The following HLTF variants were observed in gnomAD, a reference collection of about 807,000 sequenced individuals.
HLTF encodes the protein helicase like transcription factor, also known as DNA-dependent ATPase/E3 ubiquitin-protein ligase HLTF.
In HLTF, 127 loss-of-function variants were observed where a neutral mutation model predicts 129.4. That is an observed-to-expected ratio of 0.98 (90% confidence interval 0.85 to 1.14). The LOEUF (loss-of-function observed/expected upper bound fraction) is 1.14, where lower values mean the gene tolerates loss of function less well. HLTF is among the 50% of genes most tolerant of loss of function. The probability of loss-of-function intolerance (pLI) is 0.00; values close to 1 mark genes in which losing one functional copy is unlikely to be tolerated. For synonymous variants in HLTF, 332 were observed against 388.8 expected (o/e 0.85, Z 1.72); for missense variants, 1,139 against 1,187.1 (o/e 0.96, Z 0.60).
chr3:149,078,856 CA>C (rs35279410), intron 2 of HLTF, among the ~76,000 whole-genome samples: 50,449 of 129,766 alleles, frequency 0.39, 8,664 homozygotes, highest in African/African-American at 0.49. Flanking sequence ...GACTCCGTCT[CA>C]AAAAAAAAAA....
At chr3:149,069,815 G>A (rs1263191687) in intron 7 of HLTF, among the ~76,000 whole-genome samples, 4 of 152,206 alleles carry the variant, frequency 2.6e-5, no homozygotes, top group African/African-American at 9.7e-5. Flanking sequence ...ATGATAAAAT[G>A]TGAGTTTTCA....
At chr3:149,033,756 A>G (rs1489157823) in intron 24 of HLTF, among the ~76,000 whole-genome samples, 1 of 152,126 alleles carries the variant, frequency 6.6e-6, no homozygotes, top group African/African-American at 2.4e-5. Flanking sequence ...AACAAAAAAT[A>G]AAATCTTCCA....
Position 149,039,052 on chromosome 3 carries a change from A to G in HLTF, c.2793T>C (p.Asp931=). 1.9e-6 allele frequency: 3 copies of G among 1,540,618 alleles called. No individual in the cohort carries two copies. Among genetic ancestry groups the G allele is most frequent in the Non-Finnish European group, 2.6e-6 (3 of 1,146,306 alleles). ...LSAASRVFLM[D]PAWNPAAEDQ... ...AAAAATTTACAGAACTACTTACTGG[A>G]TCCATTAAAAACACTCGAGAAGCTG... Residue 931 remains aspartate, a synonymous_variant, in exon 23 of 25, where the codon GAT becomes GAC. Transcript: ENST00000310053.
At chr3:149,057,762 A>G (rs1717599749) in intron 13 of HLTF, among the ~76,000 whole-genome samples, 1 of 152,228 alleles carries the variant, frequency 6.6e-6, no homozygotes, top group Non-Finnish European at 1.5e-5. Context: ...TTGTAGCTCT[A>G]GTGTATTCAT....
chr3:149,076,782 T>C (rs1008446295), intron 2 of HLTF, among the ~76,000 whole-genome samples: 6 of 152,094 alleles, frequency 3.9e-5, no homozygotes, highest in Non-Finnish European at 7.4e-5. Context: ...TTTCAAAAAT[T>C]CCTCAATAAA....
chr3:149,056,344 T>C (rs184488394), intron 13 of HLTF, among the ~76,000 whole-genome samples: 325 of 152,338 alleles, frequency 2.1e-3, no homozygotes, highest in Non-Finnish European at 3.8e-3. Context: ...TAATAAAGTG[T>C]TTTTACAAAT....
intron 1 of HLTF, 59 bp from the exon 2 acceptor site, chr3:149,084,948 T>C: frequency 3.3e-6 from 4 of 1,216,962 alleles, no homozygotes; most frequent in African/African-American, 1.5e-5. Context: ...CCAAAGACCA[T>C]ATGAGTAGTT....
intron 5 of HLTF, among the ~76,000 whole-genome samples, chr3:149,072,270 G>C (rs113483340): frequency 6.6e-6 from 1 of 152,236 alleles, no homozygotes; most frequent in Non-Finnish European, 1.5e-5. Flanking sequence ...GTTTCAGCAA[G>C]ACTTGACCTT....
At chr3:149,081,062 T>C (rs1719817693) in intron 2 of HLTF, among the ~76,000 whole-genome samples, 1 of 152,146 alleles carries the variant, frequency 6.6e-6, no homozygotes, top group African/African-American at 2.4e-5. Flanking sequence ...TGTGTTACAA[T>C]TGCCCACAGT....
intron 8 of HLTF, among the ~76,000 whole-genome samples, chr3:149,067,747 G>T (rs896073469): frequency 1.3e-5 from 2 of 151,974 alleles, no homozygotes; most frequent in Admixed American, 6.6e-5. Flanking sequence ...TGAATTTCTG[G>T]TAACTCCTTT....
At chr3:149,064,536 T>G (rs1447519052) in intron 9 of HLTF, among the ~76,000 whole-genome samples, 2 of 152,146 alleles carry the variant, frequency 1.3e-5, no homozygotes, top group African/African-American at 4.8e-5. Context: ...CATGAGATTT[T>G]TTTTCACAAC....
At chr3:149,061,385 C>T (rs1324751298) in intron 10 of HLTF, among the ~76,000 whole-genome samples, 13 of 150,646 alleles carry the variant, frequency 8.6e-5, no homozygotes, top group South Asian at 2.1e-4. Context: ...CACACCAGCC[C>T]GCCTGACAGA....
At chr3:149,049,195 G>A (rs927981622) in intron 15 of HLTF, among the ~76,000 whole-genome samples, 194 bp from the exon 16 acceptor site, 1 of 152,090 alleles carries the variant, frequency 6.6e-6, no homozygotes, top group Non-Finnish European at 1.5e-5. Flanking sequence ...TAATTTTACA[G>A]ATAAGAAAAC....
chr3:149,076,190 T>G (rs1719341292), intron 2 of HLTF, 143 bp from the exon 3 acceptor site: 2 of 399,240 alleles, frequency 5.0e-6, no homozygotes, highest in South Asian at 1.9e-4. Context: ...AGACACAAAC[T>G]ACAGAAATAT....
intron 9 of HLTF, 82 bp from the exon 10 acceptor site, chr3:149,063,606 T>C: frequency 1.3e-6 from 1 of 752,438 alleles, no homozygotes; most frequent in Non-Finnish European, 2.3e-6. Context: ...ACCTTGGTTT[T>C]CTAATTACTG....
At chr3:149,045,003 C>G (rs974704808) in intron 18 of HLTF, among the ~76,000 whole-genome samples, 2 of 152,124 alleles carry the variant, frequency 1.3e-5, no homozygotes, top group African/African-American at 4.8e-5. Context: ...AATCAGATTA[C>G]GTCCCTCTCC....
At chr3:149,064,770 C>T (rs765264559) in intron 9 of HLTF, 21 bp downstream of exon 9, 6 of 1,400,322 alleles carry the variant, frequency 4.3e-6, no homozygotes, top group African/African-American at 2.8e-5. Flanking sequence ...AATATTGGAT[C>T]ATTTCAAAAT....
intron 2 of HLTF, among the ~76,000 whole-genome samples, chr3:149,080,389 G>C (rs1334940131): frequency 7.4e-6 from 1 of 135,578 alleles, no homozygotes; most frequent in Non-Finnish European, 1.5e-5. Context: ...ATACAAGAAA[G>C]CTGCTTCAAA....
intron 20 of HLTF, among the ~76,000 whole-genome samples, chr3:149,040,546 A>C (rs1318349601): frequency 6.6e-6 from 1 of 152,114 alleles, no homozygotes; most frequent in African/African-American, 2.4e-5. Context: ...AAAGCTATTA[A>C]GCTTATAAAG....
Sources: gnomAD v4.1 joint callset for allele counts (sites outside exome capture counted in the v4.1 genomes callset) on GRCh38, gnomAD v4.1.1 for gene constraint, MANE v1.5 for transcripts, NCBI Gene and HGNC (gene_info 2026-07-23, HGNC 2026-07-21) for gene names.